The following ARHGAP26 variants were observed in gnomAD, a reference collection of about 807,000 sequenced individuals.
ARHGAP26 encodes the protein rho GTPase-activating protein 26.
ARHGAP26 carries 38 observed loss-of-function variants against 104.8 expected under a neutral mutation model. The observed-to-expected ratio is 0.36, with a 90% confidence interval of 0.28 to 0.48. The LOEUF (loss-of-function observed/expected upper bound fraction) is 0.48, where lower values mean the gene tolerates loss of function less well. Among genes scored for constraint, ARHGAP26 ranks in the 20% least tolerant of loss-of-function variants. ARHGAP26 has a pLI of 0.99. For missense variants in ARHGAP26, 704 were observed against 947.9 expected (o/e 0.74, Z 3.38); for synonymous variants, 341 against 340.0 (o/e 1.00, Z -0.03).
intron 20 of ARHGAP26, chr5:143,165,577 T>C (rs576001264): frequency 6.6e-6 from 1 of 152,436 alleles, no homozygotes; most frequent in East Asian, 1.9e-4. Flanking sequence ...TTAAAATTTA[T>C]TTTAGATTCA....
At chr5:143,030,040 T>C (rs1467216753) in intron 12 of ARHGAP26, among the ~76,000 whole-genome samples, 1 of 152,188 alleles carries the variant, frequency 6.6e-6, no homozygotes, top group Non-Finnish European at 1.5e-5. Flanking sequence ...TATATATATG[T>C]GTCCATCAGT....
chr5:143,086,975 A>G (rs1294550673), intron 17 of ARHGAP26, among the ~76,000 whole-genome samples: 3 of 152,182 alleles, frequency 2.0e-5, no homozygotes, highest in Non-Finnish European at 2.9e-5. Context: ...AGCTCCCGCA[A>G]TTCAGTCTGC....
intron 1 of ARHGAP26, among the ~76,000 whole-genome samples, chr5:142,806,986 C>A (rs1216825695): frequency 6.6e-6 from 1 of 152,148 alleles, no homozygotes; most frequent in Non-Finnish European, 1.5e-5. Context: ...GTGAAGGGAG[C>A]CCTCAGGCTT....
chr5:142,983,288 C>T (rs950177197), intron 11 of ARHGAP26, among the ~76,000 whole-genome samples: 1 of 152,146 alleles, frequency 6.6e-6, no homozygotes, highest in Non-Finnish European at 1.5e-5. Flanking sequence ...CTCATTGCAA[C>T]CTCCACCTCC....
At chr5:142,919,556 A>G (rs1054526068) in intron 10 of ARHGAP26, 1 of 397,366 alleles carries the variant, frequency 2.5e-6, no homozygotes, top group Non-Finnish European at 4.4e-6. Context: ...CTTTAAATGG[A>G]TAACTCAACA....
intron 1 of ARHGAP26, among the ~76,000 whole-genome samples, chr5:142,805,038 G>A (rs1466949051): frequency 6.6e-6 from 1 of 151,358 alleles, no homozygotes; most frequent in Non-Finnish European, 1.5e-5. Flanking sequence ...CCTTTTTATT[G>A]CTGAATAGTA....
intron 20 of ARHGAP26, among the ~76,000 whole-genome samples, chr5:143,174,274 G>A (rs1032762383): frequency 6.6e-6 from 1 of 152,196 alleles, no homozygotes; most frequent in Non-Finnish European, 1.5e-5. Context: ...CACTAAGAAA[G>A]AACGAGGAGG....
intron 1 of ARHGAP26, among the ~76,000 whole-genome samples, chr5:142,849,339 T>G (rs1194413257): frequency 6.6e-6 from 1 of 152,228 alleles, no homozygotes; most frequent in African/African-American, 2.4e-5. Context: ...GGCACACCTC[T>G]TATCTCTCCC....
chr5:142,885,262 T>C (rs572027289), intron 4 of ARHGAP26, 36 bp from the exon 5 acceptor site: 4 of 1,571,972 alleles, frequency 2.5e-6, no homozygotes, highest in Middle Eastern at 1.7e-4. Flanking sequence ...TGCAACGTGT[T>C]ACTCTTTTTC....
At chr5:142,788,715 A>G (rs1478598343) in intron 1 of ARHGAP26, among the ~76,000 whole-genome samples, 2 of 152,212 alleles carry the variant, frequency 1.3e-5, no homozygotes, top group Admixed American at 6.5e-5. Flanking sequence ...GGATGTGCTT[A>G]GGTTATATGC....
At chr5:143,037,920 C>T (rs1297948314) in intron 13 of ARHGAP26, among the ~76,000 whole-genome samples, 1 of 152,190 alleles carries the variant, frequency 6.6e-6, no homozygotes, top group African/African-American at 2.4e-5. Flanking sequence ...GGGTCAGGCC[C>T]ATGTTCACAC....
intron 10 of ARHGAP26, among the ~76,000 whole-genome samples, chr5:142,923,072 T>G (rs777466019): frequency 6.9e-4 from 101 of 145,952 alleles, no homozygotes; most frequent in Admixed American, 8.9e-4. Context: ...TCATGTAGTT[T>G]GAACTTGTCA....
intron 11 of ARHGAP26, among the ~76,000 whole-genome samples, chr5:142,983,341 G>A (rs547988570): frequency 1.3e-5 from 2 of 152,270 alleles, no homozygotes; most frequent in South Asian, 2.1e-4. Context: ...TGAGTATCTG[G>A]AACTACAGGC....
intron 12 of ARHGAP26, among the ~76,000 whole-genome samples, chr5:143,024,874 C>T (rs962500358): frequency 2.0e-5 from 3 of 152,144 alleles, no homozygotes; most frequent in East Asian, 1.9e-4. Context: ...GTATTCCACA[C>T]GTGGTTTGAA....
At chr5:142,972,109 G>A (rs994036051) in intron 11 of ARHGAP26, among the ~76,000 whole-genome samples, 7 of 151,952 alleles carry the variant, frequency 4.6e-5, no homozygotes, top group African/African-American at 9.7e-5. Flanking sequence ...TTGAACCTGC[G>A]AGGCGGAGGT....
intron 1 of ARHGAP26, among the ~76,000 whole-genome samples, chr5:142,849,682 T>C (rs1285634540): frequency 6.6e-6 from 1 of 152,190 alleles, no homozygotes; most frequent in Non-Finnish European, 1.5e-5. Context: ...ACATGACTCC[T>C]AGACTTCCCT....
At chr5:142,901,786 G>A (rs1760377316) in intron 6 of ARHGAP26, 149 bp from the exon 7 acceptor site, 1 of 631,616 alleles carries the variant, frequency 1.6e-6, no homozygotes. Flanking sequence ...AGGGCATAGT[G>A]CCTGGCACAC....
intron 19 of ARHGAP26, among the ~76,000 whole-genome samples, chr5:143,143,983 A>G (rs781111655): frequency 1.3e-5 from 2 of 152,196 alleles, no homozygotes; most frequent in Non-Finnish European, 2.9e-5. Context: ...ATTCCTGTTG[A>G]CAAACATGTT....
chr5:142,970,573 G>A (rs749673093), intron 11 of ARHGAP26, among the ~76,000 whole-genome samples: 1 of 152,174 alleles, frequency 6.6e-6, no homozygotes, highest in African/African-American at 2.4e-5. Flanking sequence ...AGAAGTCTTG[G>A]AGTTGGGTCA....
Sources: gnomAD v4.1 joint callset for allele counts (sites outside exome capture counted in the v4.1 genomes callset) on GRCh38, gnomAD v4.1.1 for gene constraint, MANE v1.5 for transcripts, NCBI Gene and HGNC (gene_info 2026-07-23, HGNC 2026-07-21) for gene names.